Variants in MOCS2 observed in about 807,000 individuals in gnomAD.
The protein encoded by MOCS2 is molybdopterin synthase catalytic subunit.
Under a neutral mutation model 21.9 loss-of-function variants are expected in MOCS2, and 13 were observed. That is an observed-to-expected ratio of 0.59 (90% CI 0.39 to 0.94). The LOEUF (loss-of-function observed/expected upper bound fraction) is 0.94. Among genes scored for constraint, MOCS2 ranks in the 40% least tolerant of loss-of-function variants. The pLI is 0.00. For missense variants in MOCS2, 227 were observed against 218.3 expected (o/e 1.04, Z -0.25); for synonymous variants, 92 against 80.8 (o/e 1.14, Z -0.74).
chr5:53,108,190 A>G (rs1181054383), intron 2 of MOCS2: 1 of 200,972 alleles, frequency 5.0e-6, no homozygotes, highest in East Asian at 1.5e-4. Flanking sequence ...GCAGAACAAA[A>G]TGTTTAAAGC....
chr5:53,097,969 A>G lies in MOCS2; in HGVS notation c.*633T>C, dbSNP rs1436039959. 1 of 152,208 alleles carries G rather than the reference A, an allele frequency of 6.6e-6. No homozygotes were observed. The highest frequency in any genetic ancestry group is 6.5e-5 in the Admixed American group (1 of 15,284). 9.4% of individuals were successfully genotyped at this position (152,208 alleles called of 1,614,324 possible). A position where few individuals can be genotyped will look rare whatever the true frequency, so the allele number is the denominator to read the frequency against. ...AAATTAACAACTAATAAAAAACAAC[A>G]AAAAGTTTTCTGGTAAGATTATAGA... On this transcript the variant is annotated 3_prime_UTR_variant, in exon 7 of 7. Transcript: ENST00000396954.
At chr5:53,103,700 G>C (rs1740977313) in intron 3 of MOCS2, among the ~76,000 whole-genome samples, 1 of 152,106 alleles carries the variant, frequency 6.6e-6, no homozygotes, top group African/African-American at 2.4e-5. Context: ...GAGAAACAAA[G>C]CATTACAGGA....
intron 6 of MOCS2, among the ~76,000 whole-genome samples, chr5:53,099,790 T>G (rs1439492822): frequency 6.6e-6 from 1 of 152,210 alleles, no homozygotes; most frequent in Non-Finnish European, 1.5e-5. Flanking sequence ...TAGACAATTC[T>G]AGACATTGAA....
chr5:53,107,073 A>G lies in MOCS2; in HGVS notation c.98+4T>C. The stretch of plus-strand genomic sequence containing the variant: ...ACTGATTAAGAAAAACAAATCTCAC[A>G]TACCTAGATGGCTCAAAAGCACTAT... On this transcript the variant is annotated splice_donor_region_variant and intron_variant, in intron 3 of 6. Coordinates refer to ENST00000396954, the MANE Select transcript of MOCS2 (RefSeq NM_004531.5). 1.2e-6 allele frequency: 2 copies of G among 1,614,054 alleles called. No homozygotes were observed. Among genetic ancestry groups the G allele is most frequent in the Non-Finnish European group, 8.5e-7 (1 of 1,179,976 alleles).
chr5:53,109,747 G>A lies in MOCS2; in HGVS notation c.-666C>T, dbSNP rs757894987. 1.3e-6 allele frequency: 2 copies of A among 1,548,740 alleles called. No individual in the cohort carries two copies. The highest frequency in any genetic ancestry group is 2.0e-5 in the Admixed American group (1 of 51,020). On this transcript the variant is annotated 5_prime_UTR_variant, in exon 1 of 7. Transcript: ENST00000396954. The stretch of plus-strand genomic sequence containing the variant: ...GGCACCATCCCGCCTAGGACAGCGG[G>A]ACCGAATCACGGCCGCAAAGGCGCA...
chr5:53,100,729 T>C (rs1579932209), intron 5 of MOCS2, 195 bp from the exon 6 acceptor site: 3 of 578,542 alleles, frequency 5.2e-6, no homozygotes, highest in Non-Finnish European at 3.0e-6. Context: ...ATGAGGCTGA[T>C]GCTACAGCTA....
chr5:53,102,246 A>G, intron 3 of MOCS2, 22 bp from the exon 4 acceptor site: 5 of 1,606,474 alleles, frequency 3.1e-6, no homozygotes, highest in Non-Finnish European at 4.3e-6. Context: ...ACATTAACAA[A>G]CCTTAACAGA....
At position 53,109,582 on chromosome 5, in the gene MOCS2, A is replaced by C; in HGVS notation, c.-501T>G. The C allele has an allele frequency of 1.4e-6, 2 of 1,435,844 alleles. No homozygotes were observed. Among genetic ancestry groups the C allele is most frequent in the Non-Finnish European group, 1.8e-6 (2 of 1,090,500 alleles). 88.9% of individuals were successfully genotyped at this position (1,435,844 alleles called of 1,614,324 possible). A position where few individuals can be genotyped will look rare whatever the true frequency, so the allele number is the denominator to read the frequency against. ...GGGCGGGGGCGCCCCCGAACCCAAG[A>C]CGCCGGCCAGGTTGGGGGCTAGTGG... On this transcript the variant is annotated 5_prime_UTR_variant, in exon 1 of 7. Coordinates refer to ENST00000396954, the MANE Select transcript of MOCS2 (RefSeq NM_004531.5).
At position 53,108,392 on chromosome 5, in the gene MOCS2, A is replaced by G. The variant is rs544398703; in HGVS notation, c.-48+130T>C. 9.6e-5 allele frequency: 91 copies of G among 944,438 alleles called. No individual in the cohort carries two copies. The East Asian group carries it at 2.4e-3, about 25-fold the overall frequency. 58.5% of individuals were successfully genotyped at this position (944,438 alleles called of 1,614,324 possible). Reference sequence around the variant, plus strand: ...ATTTAGAGTTTTTCAGGTGTTCCAAAAAAAATACAACTAACGATTCTTTTT... The same window carrying G: ...ATTTAGAGTTTTTCAGGTGTTCCAAGAAAAATACAACTAACGATTCTTTTT... On this transcript the variant is annotated intron_variant, in intron 2 of 6. Coordinates refer to ENST00000396954, the MANE Select transcript of MOCS2 (RefSeq NM_004531.5).
In MOCS2 at chr5:53,096,016, C is replaced by G. The variant is rs1297275151; in HGVS notation, c.*2586G>C. ...TACAGCCTGACTTTAAAGAAAATGG[C>G]TACTAAACTGAACTTTTGGTTCTAT... On this transcript the variant is annotated 3_prime_UTR_variant, in exon 7 of 7. Coordinates refer to ENST00000396954, the MANE Select transcript of MOCS2 (RefSeq NM_004531.5). 6.6e-6 allele frequency: 1 copy of G among 152,146 alleles called. No individual in the cohort carries two copies. Among genetic ancestry groups the G allele is most frequent in the African/African-American group, 2.4e-5 (1 of 41,430 alleles). The allele number at this position is 152,146 out of a possible 1,614,324, so 9.4% of individuals were successfully genotyped here.
At position 53,096,397 on chromosome 5, in the gene MOCS2, AT is replaced by A. The variant is rs1466679896; in HGVS notation, c.*2204del. The A allele has an allele frequency of 6.6e-6, 1 of 152,220 alleles. No individual in the cohort carries two copies. Among genetic ancestry groups the A allele is most frequent in the Admixed American group, 6.5e-5 (1 of 15,274 alleles). The allele number at this position is 152,220 out of a possible 1,614,324, so 9.4% of individuals were successfully genotyped here. On this transcript the variant is annotated 3_prime_UTR_variant, in exon 7 of 7. Transcript: ENST00000396954. ...AATACTTGAAACATAAATAATTTGA[AT>A]TTCCTATTTCTTAAGTGAACTTACC...
At chr5:53,106,480 C>A (rs1741052046) in intron 3 of MOCS2, among the ~76,000 whole-genome samples, 1 of 152,040 alleles carries the variant, frequency 6.6e-6, no homozygotes. Flanking sequence ...TTCTCACTTA[C>A]AAGTGGGAGA....
At chr5:53,103,740 T>C (rs968620287) in intron 3 of MOCS2, among the ~76,000 whole-genome samples, 1 of 152,084 alleles carries the variant, frequency 6.6e-6, no homozygotes, top group Non-Finnish European at 1.5e-5. Flanking sequence ...AGGGATAACT[T>C]ATGGAAGTAA....
At chr5:53,098,991 T>G (rs1289288779) in intron 6 of MOCS2, among the ~76,000 whole-genome samples, 1 of 152,222 alleles carries the variant, frequency 6.6e-6, no homozygotes, top group African/African-American at 2.4e-5. Context: ...TGCCCTCTGG[T>G]ATGAGCTGTT....
intron 3 of MOCS2, 64 bp downstream of exon 3, chr5:53,107,013 T>C (rs1741067379): frequency 1.9e-6 from 3 of 1,581,436 alleles, no homozygotes; most frequent in Non-Finnish European, 1.7e-6. Context: ...GCAAACCACA[T>C]ACACTTTATC....
chr5:53,098,549 C>T lies in MOCS2; in HGVS notation c.*53G>A. The T allele has an allele frequency of 6.7e-7, 1 of 1,483,846 alleles. No individual in the cohort carries two copies. The highest frequency in any genetic ancestry group is 9.4e-7 in the Non-Finnish European group (1 of 1,061,856). 91.9% of individuals were successfully genotyped at this position (1,483,846 alleles called of 1,614,324 possible). On this transcript the variant is annotated 3_prime_UTR_variant, in exon 7 of 7. Coordinates refer to ENST00000396954, the MANE Select transcript of MOCS2 (RefSeq NM_004531.5). ...GGAGAGAAAAAAATCAAAATGTGAT[C>T]AATAATAATAGTTTAACAAAGTTAA...
chr5:53,106,243 G>A (rs1220546532), intron 3 of MOCS2, among the ~76,000 whole-genome samples: 2 of 152,144 alleles, frequency 1.3e-5, no homozygotes, highest in Non-Finnish European at 2.9e-5. Flanking sequence ...AAAGACACAT[G>A]CACACGTCTG....
chr5:53,109,106 C>A, intron 1 of MOCS2, 145 bp downstream of exon 1: 1 of 196,802 alleles, frequency 5.1e-6, no homozygotes, highest in Non-Finnish European at 9.3e-6. Context: ...CGTCCCCAGA[C>A]GCTAAGGATT....
At position 53,109,565 on chromosome 5, in the gene MOCS2, G is replaced by A. The variant is rs955842635; in HGVS notation, c.-484C>T. The stretch of plus-strand genomic sequence containing the variant: ...GAAGGGCCCGGGGGCGGGGGCGGGG[G>A]CGCCCCCGAACCCAAGACGCCGGCC... On this transcript the variant is annotated 5_prime_UTR_variant, in exon 1 of 7. Coordinates refer to ENST00000396954, the MANE Select transcript of MOCS2 (RefSeq NM_004531.5). 15 of 1,403,096 alleles carry A rather than the reference G, an allele frequency of 1.1e-5. No homozygotes were observed. The African/African-American group carries it at 1.2e-4, about 11-fold the overall frequency. 86.9% of individuals were successfully genotyped at this position (1,403,096 alleles called of 1,614,324 possible). A position where few individuals can be genotyped will look rare whatever the true frequency, so the allele number is the denominator to read the frequency against.
Sources: gnomAD v4.1 joint callset for allele counts (sites outside exome capture counted in the v4.1 genomes callset) on GRCh38, gnomAD v4.1.1 for gene constraint, MANE v1.5 for transcripts, NCBI Gene and HGNC (gene_info 2026-07-23, HGNC 2026-07-21) for gene names.